The following WDR59 variants were observed in gnomAD, a reference collection of about 807,000 sequenced individuals.
WDR59 encodes the protein GATOR2 complex protein WDR59.
Under a neutral mutation model 131.2 loss-of-function variants are expected in WDR59, and 100 were observed. The ratio of observed to expected loss-of-function variants is 0.76; its 90% CI spans 0.65 to 0.90. The LOEUF (loss-of-function observed/expected upper bound fraction) is 0.90. Ranked by LOEUF, WDR59 falls within the 40% of genes least tolerant of loss-of-function variation. WDR59 has a pLI of 0.00. For missense variants in WDR59, 1,203 were observed against 1,262.2 expected (o/e 0.95, Z 0.71); for synonymous variants, 601 against 466.2 (o/e 1.29, Z -3.72).
chr16:74,973,143 A>C (rs916097932), intron 1 of WDR59, among the ~76,000 whole-genome samples: 2 of 152,118 alleles, frequency 1.3e-5, no homozygotes, highest in Non-Finnish European at 2.9e-5. Context: ...CAGAAGACTA[A>C]GGCAGGAGAA....
chr16:74,880,864 T>G (rs1048730882), intron 25 of WDR59, among the ~76,000 whole-genome samples: 2 of 152,218 alleles, frequency 1.3e-5, no homozygotes, highest in Non-Finnish European at 2.9e-5. Flanking sequence ...TTGTTAACCA[T>G]ACAACAAAAA....
chr16:74,912,049 C>T (rs1966119547), intron 14 of WDR59, 149 bp downstream of exon 14: 2 of 1,049,948 alleles, frequency 1.9e-6, no homozygotes, highest in Admixed American at 2.5e-5. Context: ...AAGTAAATGG[C>T]AAGTTCAGAG....
chr16:74,899,632 TTTTATTC>T, intron 18 of WDR59: 1 of 1,244,792 alleles, frequency 8.0e-7, no homozygotes, highest in Non-Finnish European at 1.1e-6. Context: ...GCAGGTGGCA[TTTTATTC>T]TTGGGCCTCG....
intron 14 of WDR59, among the ~76,000 whole-genome samples, chr16:74,911,116 A>C (rs563992847): frequency 7.2e-5 from 11 of 152,298 alleles, no homozygotes; most frequent in African/African-American, 2.6e-4. Context: ...CACCCGCCTC[A>C]GCCTCTCAAA....
At chr16:74,917,733 C>T (rs533853761) in intron 11 of WDR59, among the ~76,000 whole-genome samples, 196 bp downstream of exon 11, 90 of 149,556 alleles carry the variant, frequency 6.0e-4, no homozygotes, top group Non-Finnish European at 1.1e-3. Context: ...CGCTTGAACC[C>T]GGGAGGCAGA....
rs1316278968 is a variant in WDR59 at position 74,935,945 on chromosome 16, C to A, written c.651+2205G>T. Among the ~76,000 whole-genome samples the A allele has an allele frequency of 3.3e-5, 5 of 150,942 alleles. No individual in the cohort carries two copies. The South Asian group carries it at 1.0e-3, about 32-fold the overall frequency. On this transcript the variant is annotated intron_variant, in intron 8 of 25. Transcript: ENST00000262144. ...CTGGGAGACGGAGGTTGCAGTGAGC[C>A]GAGATCGCGCCACTGCACTCCAACC...
chr16:74,940,150 G>A (rs569869363), intron 7 of WDR59, among the ~76,000 whole-genome samples: 7 of 152,190 alleles, frequency 4.6e-5, no homozygotes, highest in South Asian at 2.1e-4. Context: ...AGGCAAAGGC[G>A]GATGGATCAC....
At chr16:74,879,006 T>C (rs1230773568) in intron 25 of WDR59, among the ~76,000 whole-genome samples, 1 of 152,158 alleles carries the variant, frequency 6.6e-6, no homozygotes, top group African/African-American at 2.4e-5. Context: ...CTATTAAAGG[T>C]ACTCTTCACT....
chr16:74,961,911 TTA>T (rs2033582772), intron 2 of WDR59, among the ~76,000 whole-genome samples: 1 of 152,210 alleles, frequency 6.6e-6, no homozygotes, highest in South Asian at 2.1e-4. Flanking sequence ...TCTAGGGTTT[TTA>T]TAGTTTTGGA....
intron 18 of WDR59, chr16:74,899,648 C>T (rs928373721): frequency 5.5e-6 from 7 of 1,270,686 alleles, no homozygotes; most frequent in African/African-American, 4.6e-5. Context: ...TCTTGGGCCT[C>T]GGGTAGAGAC....
At chr16:74,981,412 G>A (rs2034399084) in intron 1 of WDR59, among the ~76,000 whole-genome samples, 1 of 148,200 alleles carries the variant, frequency 6.7e-6, no homozygotes, top group African/African-American at 2.5e-5. Flanking sequence ...ACACAAAATT[G>A]TGGGGCTTGG....
chr16:74,965,418 T>C (rs2033731699), intron 2 of WDR59, among the ~76,000 whole-genome samples: 2 of 152,180 alleles, frequency 1.3e-5, no homozygotes, highest in African/African-American at 2.4e-5. Flanking sequence ...ACCGTCAAAC[T>C]GGAACTCAGA....
chr16:74,900,044 GACAAAGGAACT>G (rs1259724573), intron 18 of WDR59, among the ~76,000 whole-genome samples: 6 of 152,068 alleles, frequency 3.9e-5, no homozygotes, highest in African/African-American at 1.4e-4. Flanking sequence ...ACACAGTTCT[GACAAAGGAACT>G]ACAAATAGGT....
Position 74,915,865 on chromosome 16 carries a change from A to C in WDR59, c.1224+5T>G, listed in dbSNP as rs1200766433. Reference sequence around the variant, plus strand: ...ACATGAGATACAGTTGATTAAACTAAGTACCTCCACATTGACATTCCGGAT... The same window carrying C: ...ACATGAGATACAGTTGATTAAACTACGTACCTCCACATTGACATTCCGGAT... On this transcript the variant is annotated splice_donor_5th_base_variant and intron_variant, in intron 13 of 25. Coordinates refer to ENST00000262144, the MANE Select transcript of WDR59 (RefSeq NM_030581.4). 6.2e-7 allele frequency: 1 copy of C among 1,614,152 alleles called. No homozygotes were observed. The highest frequency in any genetic ancestry group is 8.5e-7 in the Non-Finnish European group (1 of 1,180,044).
At chr16:74,896,427 G>C (rs1321978584) in intron 18 of WDR59, among the ~76,000 whole-genome samples, 1 of 152,148 alleles carries the variant, frequency 6.6e-6, no homozygotes, top group Non-Finnish European at 1.5e-5. Flanking sequence ...CCAGGAGTTC[G>C]AGACCAGCCC....
At chr16:74,969,887 A>G (rs1009639714) in intron 1 of WDR59, among the ~76,000 whole-genome samples, 1 of 151,314 alleles carries the variant, frequency 6.6e-6, no homozygotes, top group African/African-American at 2.4e-5. Flanking sequence ...CCTAGATTCA[A>G]ATGATCCTCC....
At chr16:74,947,225 G>T (rs2032705331) in intron 6 of WDR59, among the ~76,000 whole-genome samples, 1 of 152,174 alleles carries the variant, frequency 6.6e-6, no homozygotes, top group African/African-American at 2.4e-5. Flanking sequence ...AAGTCGGGTG[G>T]ATCACCTGAG....
chr16:74,898,742 T>C (rs764023215), intron 18 of WDR59, among the ~76,000 whole-genome samples: 47 of 152,220 alleles, frequency 3.1e-4, no homozygotes, highest in Non-Finnish European at 6.2e-4. Context: ...CCATTAGCAA[T>C]GCATAATCCG....
intron 1 of WDR59, among the ~76,000 whole-genome samples, chr16:74,984,138 G>A (rs566594975): frequency 4.6e-5 from 7 of 151,896 alleles, no homozygotes; most frequent in Non-Finnish European, 1.0e-4. Flanking sequence ...TTAGCCGGGC[G>A]TGGTGGTGCG....
Sources: gnomAD v4.1 joint callset for allele counts (sites outside exome capture counted in the v4.1 genomes callset) on GRCh38, gnomAD v4.1.1 for gene constraint, MANE v1.5 for transcripts, NCBI Gene and HGNC (gene_info 2026-07-23, HGNC 2026-07-21) for gene names.